Variants in RNF180 observed in about 807,000 individuals in gnomAD.
The protein encoded by RNF180 is E3 ubiquitin-protein ligase RNF180.
RNF180 carries 38 observed loss-of-function variants against 59.2 expected under a neutral mutation model. That is an observed-to-expected ratio of 0.64 (90% CI 0.50 to 0.84). The LOEUF is 0.84. RNF180 is among the 40% of genes least tolerant of loss of function. RNF180 has a pLI of 0.00. For synonymous variants in RNF180, 262 were observed against 240.3 expected, an observed-to-expected ratio of 1.09 and a Z score of -0.84; for missense variants, 705 against 700.9, an observed-to-expected ratio of 1.01 and a Z score of -0.07.
intron 5 of RNF180, among the ~76,000 whole-genome samples, chr5:64,283,799 TAC>T (rs1337672877): frequency 1.3e-5 from 2 of 152,196 alleles, no homozygotes; most frequent in African/African-American, 4.8e-5. Flanking sequence ...CTTTATAAAT[TAC>T]ACAGTCTTAG....
rs1580182245 is a variant in RNF180 at position 64,286,832 on chromosome 5, T to TA, written c.1228-38353dup. On this transcript the variant is annotated intron_variant, in intron 5 of 7. Coordinates refer to ENST00000389100, the MANE Select transcript of RNF180 (RefSeq NM_001113561.2). Reference sequence around the variant, plus strand: ...GAGGAAGAGTGGTGGCAAGGAAAGTTACAGAGGCTTGAAAACAAGACCTGT... The same window carrying TA: ...GAGGAAGAGTGGTGGCAAGGAAAGTTAACAGAGGCTTGAAAACAAGACCTGT... Among the ~76,000 whole-genome samples the TA allele has an allele frequency of 2.6e-5, 4 of 152,180 alleles. 1 individual carries two copies. The East Asian group carries it at 7.7e-4, about 29-fold the overall frequency.
intron 7 of RNF180, among the ~76,000 whole-genome samples, chr5:64,334,855 A>G (rs1264711686): frequency 6.6e-6 from 1 of 152,152 alleles, no homozygotes; most frequent in East Asian, 1.9e-4. Flanking sequence ...CAGTGTTTCT[A>G]TAAACACTCT....
chr5:64,268,020 TC>T (rs1216244630), intron 5 of RNF180, among the ~76,000 whole-genome samples: 3 of 152,154 alleles, frequency 2.0e-5, no homozygotes, highest in African/African-American at 7.2e-5. Context: ...AGAACACCTC[TC>T]CCCTTGCATT....
chr5:64,291,134 T>A (rs1742559475), intron 5 of RNF180, among the ~76,000 whole-genome samples: 1 of 152,202 alleles, frequency 6.6e-6, no homozygotes, highest in African/African-American at 2.4e-5. Flanking sequence ...GAAATTCTTT[T>A]CTTTATGTAT....
At chr5:64,247,229 T>G (rs1743239391) in intron 5 of RNF180, among the ~76,000 whole-genome samples, 1 of 152,068 alleles carries the variant, frequency 6.6e-6, no homozygotes, top group Non-Finnish European at 1.5e-5. Flanking sequence ...CTCTCACCAC[T>G]CCGATTCAGT....
chr5:64,248,388 AAAGAACTTGAACAAATTTAC>A (rs1743327449), intron 5 of RNF180, among the ~76,000 whole-genome samples: 1 of 152,238 alleles, frequency 6.6e-6, no homozygotes, highest in Admixed American at 6.5e-5. Flanking sequence ...CAGAATCTAC[AAAGAACTTGAACAAATTTAC>A]AAGAAAAAAA....
intron 7 of RNF180, among the ~76,000 whole-genome samples, chr5:64,357,312 T>C (rs1403104928): frequency 6.6e-6 from 1 of 151,852 alleles, no homozygotes; most frequent in African/African-American, 2.4e-5. Context: ...CCACCTCTGC[T>C]AAGACCTACT....
At chr5:64,364,510 C>T (rs1746373966) in intron 7 of RNF180, among the ~76,000 whole-genome samples, 1 of 151,688 alleles carries the variant, frequency 6.6e-6, no homozygotes, top group Non-Finnish European at 1.5e-5. Flanking sequence ...CGATGTTTGT[C>T]AAGGACATTG....
At chr5:64,166,235 C>G (rs1301825150) in intron 1 of RNF180, 1 of 152,554 alleles carries the variant, frequency 6.6e-6, no homozygotes. Flanking sequence ...GTCGAAAAAG[C>G]TGAGTCCTGG....
chr5:64,197,877 A>G (rs1022966809), intron 1 of RNF180, among the ~76,000 whole-genome samples: 1 of 152,200 alleles, frequency 6.6e-6, no homozygotes, highest in East Asian at 1.9e-4. Context: ...AGAAACATTG[A>G]ATTAGAATCT....
At chr5:64,358,644 ATT>A in intron 7 of RNF180, among the ~76,000 whole-genome samples, 1 of 150,984 alleles carries the variant, frequency 6.6e-6, no homozygotes, top group East Asian at 2.0e-4. Context: ...TAAGAATTCT[ATT>A]TTTTTTTATT....
intron 5 of RNF180, among the ~76,000 whole-genome samples, chr5:64,270,077 G>A (rs1744925309): frequency 6.6e-6 from 1 of 151,838 alleles, no homozygotes; most frequent in South Asian, 2.1e-4. Context: ...GTAAATCAGT[G>A]TATTTCACAG....
intron 5 of RNF180, among the ~76,000 whole-genome samples, chr5:64,276,983 G>T (rs578049187): frequency 1.4e-4 from 21 of 151,932 alleles, no homozygotes; most frequent in Non-Finnish European, 2.8e-4. Flanking sequence ...CCTTTTTAAA[G>T]AATTAATTCA....
At chr5:64,178,631 C>T (rs893092956) in intron 1 of RNF180, among the ~76,000 whole-genome samples, 12 of 152,208 alleles carry the variant, frequency 7.9e-5, no homozygotes, top group Admixed American at 3.9e-4. Context: ...GCATATGAAA[C>T]GCAGCTACTG....
chr5:64,368,848 T>C (rs1008262802), intron 7 of RNF180, among the ~76,000 whole-genome samples: 4 of 151,982 alleles, frequency 2.6e-5, no homozygotes, highest in African/African-American at 9.7e-5. Context: ...AGGAACACTT[T>C]TACACTGTTG....
At chr5:64,260,207 T>TC (rs60895327) in intron 5 of RNF180, among the ~76,000 whole-genome samples, 7,471 of 152,220 alleles carry the variant, frequency 0.049, 606 homozygotes, top group African/African-American at 0.16. Flanking sequence ...TGAACTGTTT[T>TC]CCCCCTCAAA....
chr5:64,298,023 A>C (rs1274694527), intron 5 of RNF180, among the ~76,000 whole-genome samples: 1 of 151,972 alleles, frequency 6.6e-6, no homozygotes, highest in Non-Finnish European at 1.5e-5. Context: ...AGTACCCATT[A>C]GTTATTTTTC....
At chr5:64,293,178 TCACA>T (rs1015908778) in intron 5 of RNF180, among the ~76,000 whole-genome samples, 2 of 152,222 alleles carry the variant, frequency 1.3e-5, no homozygotes, top group Non-Finnish European at 2.9e-5. Context: ...CCAGGTGGGT[TCACA>T]CAATCACTCA....
chr5:64,325,395 A>T lies in RNF180; in HGVS notation c.1437A>T (p.Arg479Ser), dbSNP rs1284933688. 1 of 1,549,898 alleles carries T rather than the reference A, an allele frequency of 6.5e-7. No individual in the cohort carries two copies. The highest frequency in any genetic ancestry group is 2.4e-5 in the East Asian group (1 of 40,908). The change falls in exon 6 of 8, where the codon AGA becomes AGT. Residue 479 changes from arginine (R) to serine (S), a missense_variant. Transcript: ENST00000389100. ...PCPLCRTIISRVFFQTELNNA... is the reference protein window; with the variant it reads ...PCPLCRTIISSVFFQTELNNA... ...CATTGTGTCGGACAATTATTTCTAG[A>T]GTCTTTTTCCAAACAGGTAACAATT...
Sources: allele counts gnomAD v4.1 joint callset (sites outside exome capture counted in the v4.1 genomes callset), GRCh38; gene constraint gnomAD v4.1.1; transcripts MANE v1.5; gene names NCBI Gene and HGNC (gene_info 2026-07-23, HGNC 2026-07-21).